Variants in BANK1 observed in about 807,000 individuals in gnomAD.
BANK1 encodes the protein B cell scaffold protein with ankyrin repeats 1, also known as B-cell scaffold protein with ankyrin repeats.
A neutral mutation model predicts 94.5 loss-of-function variants in BANK1; 95 were observed. The observed-to-expected ratio is 1.00, with a 90% CI of 0.85 to 1.19. The LOEUF is 1.19. Among genes scored for constraint, BANK1 ranks in the 50% most tolerant of loss-of-function variants. The pLI is 0.00. For missense variants in BANK1, 987 were observed against 932.2 expected (o/e 1.06, Z -0.77); for synonymous variants, 334 against 308.4 (o/e 1.08, Z -0.87).
At chr4:101,962,838 A>G (rs919667477) in intron 7 of BANK1, among the ~76,000 whole-genome samples, 10 of 152,176 alleles carry the variant, frequency 6.6e-5, no homozygotes, top group Middle Eastern at 6.8e-3. Context: ...GGTATATATT[A>G]CATGGTTTCC....
intron 7 of BANK1, among the ~76,000 whole-genome samples, chr4:102,000,322 C>CAAAAAAA (rs3974642): frequency 4.5e-5 from 3 of 66,096 alleles, no homozygotes; most frequent in African/African-American, 6.1e-5. Context: ...AACTCTGTCT[C>CAAAAAAA]AAAAAAAAAA....
chr4:101,802,988 G>A (rs143544915), intron 1 of BANK1, among the ~76,000 whole-genome samples: 123 of 152,232 alleles, frequency 8.1e-4, no homozygotes, highest in African/African-American at 2.8e-3. Flanking sequence ...AATTTCTGTG[G>A]TGAAATGTTC....
chr4:101,992,910 A>G (rs1725754983), intron 7 of BANK1, among the ~76,000 whole-genome samples: 1 of 152,176 alleles, frequency 6.6e-6, no homozygotes. Flanking sequence ...GTCGCCCAGA[A>G]CTGAGGGTTT....
intron 7 of BANK1, among the ~76,000 whole-genome samples, chr4:101,939,743 A>T (rs757441317): frequency 6.6e-6 from 1 of 151,766 alleles, no homozygotes; most frequent in Non-Finnish European, 1.5e-5. Flanking sequence ...CAATTTGCAC[A>T]TCAGCTTTGG....
At chr4:101,880,930 AT>A (rs548485465) in intron 5 of BANK1, among the ~76,000 whole-genome samples, 198 of 152,286 alleles carry the variant, frequency 1.3e-3, no homozygotes, top group African/African-American at 4.5e-3. Flanking sequence ...ATCAAAATGG[AT>A]TAGAGACTTA....
Position 101,989,947 on chromosome 4 carries a change from A to G in BANK1, c.1207-31567A>G, listed in dbSNP as rs567384898. The stretch of plus-strand genomic sequence containing the variant: ...CAAAGATACTTTTAAATGGTTTCAC[A>G]TGCCTTCTCTCCTACCTTTCTTTTT... On this transcript the variant is annotated intron_variant, in intron 7 of 16. Transcript: ENST00000322953. Among the ~76,000 whole-genome samples, 181 of 152,330 alleles carry G rather than the reference A, an allele frequency of 1.2e-3. 1 individual carries two copies. Among genetic ancestry groups the G allele is most frequent in the African/African-American group, 3.8e-3 (160 of 41,566 alleles).
At chr4:101,958,149 G>T (rs959808330) in intron 7 of BANK1, among the ~76,000 whole-genome samples, 1 of 151,932 alleles carries the variant, frequency 6.6e-6, no homozygotes, top group Non-Finnish European at 1.5e-5. Context: ...CCTGGCCTAG[G>T]TTTGTTATTT....
chr4:101,872,160 A>G (rs1386510164), intron 5 of BANK1, among the ~76,000 whole-genome samples: 5 of 152,224 alleles, frequency 3.3e-5, no homozygotes, highest in African/African-American at 1.2e-4. Flanking sequence ...TTTTACCATC[A>G]GGAGAGAGCC....
chr4:101,858,579 A>G (rs1727763211), intron 3 of BANK1, among the ~76,000 whole-genome samples: 1 of 151,984 alleles, frequency 6.6e-6, no homozygotes, highest in Admixed American at 6.6e-5. Context: ...CTTCTCCCCA[A>G]ATCTCTTACT....
intron 6 of BANK1, among the ~76,000 whole-genome samples, chr4:101,912,289 T>A (rs1281719330): frequency 6.6e-6 from 1 of 152,186 alleles, no homozygotes; most frequent in East Asian, 1.9e-4. Context: ...ATTTGCTTAC[T>A]GGATTCTGCC....
intron 2 of BANK1, among the ~76,000 whole-genome samples, chr4:101,834,657 G>T (rs1489909402): frequency 6.6e-6 from 1 of 152,000 alleles, no homozygotes; most frequent in Non-Finnish European, 1.5e-5. Flanking sequence ...AAAAATGGGT[G>T]AAATAGGACA....
chr4:102,001,055 T>C (rs1019489849), intron 7 of BANK1, among the ~76,000 whole-genome samples: 13 of 152,170 alleles, frequency 8.5e-5, no homozygotes, highest in East Asian at 5.8e-4. Flanking sequence ...CCAAATCCAA[T>C]TGGTGGACTG....
At chr4:101,853,236 A>G (rs568997714) in intron 2 of BANK1, among the ~76,000 whole-genome samples, 5 of 152,330 alleles carry the variant, frequency 3.3e-5, no homozygotes, top group Admixed American at 6.5e-5. Flanking sequence ...GAAGAAAACA[A>G]GAAAACTTTT....
chr4:101,977,443 T>C (rs2148925815), intron 7 of BANK1, among the ~76,000 whole-genome samples: 1 of 152,292 alleles, frequency 6.6e-6, no homozygotes, highest in African/African-American at 2.4e-5. Context: ...CCAAAATTGT[T>C]CTTGTCACTG....
chr4:102,025,588 C>T lies in BANK1; in HGVS notation c.1594+79C>T, dbSNP rs908105053. 6 of 1,319,618 alleles carry T rather than the reference C, an allele frequency of 4.5e-6. No homozygotes were observed. In the African/African-American group the frequency reaches 7.3e-5, roughly 16 times the overall value. The allele number at this position is 1,319,618 out of a possible 1,614,324, so 81.7% of individuals were successfully genotyped here. On this transcript the variant is annotated intron_variant, in intron 9 of 16. Transcript: ENST00000322953. ...GCTTACATAGCAAATAGTGCAGTGG[C>T]AAATCTATACAGAGCAGATCAGCTT... is the stretch of plus-strand genomic sequence containing the variant.
At chr4:101,940,756 A>G (rs1209975330) in intron 7 of BANK1, among the ~76,000 whole-genome samples, 2 of 151,792 alleles carry the variant, frequency 1.3e-5, no homozygotes, top group African/African-American at 4.8e-5. Flanking sequence ...TTCTTATCAC[A>G]TCACATCATC....
chr4:102,022,193 A>G (rs1030712274), intron 8 of BANK1, among the ~76,000 whole-genome samples: 1 of 152,090 alleles, frequency 6.6e-6, no homozygotes, highest in African/African-American at 2.4e-5. Flanking sequence ...CAGCTTCACC[A>G]GCATGTTTGG....
At chr4:101,935,646 T>A (rs1202937284) in intron 7 of BANK1, among the ~76,000 whole-genome samples, 1 of 151,612 alleles carries the variant, frequency 6.6e-6, no homozygotes, top group Admixed American at 6.6e-5. Context: ...ATAGAATCTG[T>A]CATCTTTCCC....
intron 1 of BANK1, among the ~76,000 whole-genome samples, chr4:101,817,572 A>G (rs967817883): frequency 5.9e-5 from 9 of 152,156 alleles, no homozygotes; most frequent in Non-Finnish European, 1.2e-4. Flanking sequence ...AGAATAACTA[A>G]TGGATGCTGG....
Sources: gnomAD v4.1 joint callset for allele counts (sites outside exome capture counted in the v4.1 genomes callset) on GRCh38, gnomAD v4.1.1 for gene constraint, MANE v1.5 for transcripts, NCBI Gene and HGNC (gene_info 2026-07-23, HGNC 2026-07-21) for gene names.